Variants in ORAI3 observed in about 807,000 individuals in gnomAD.
ORAI3 encodes the protein ORAI calcium release-activated calcium modulator 3.
A neutral mutation model predicts 17.2 loss-of-function variants in ORAI3; 15 were observed. The observed-to-expected ratio is 0.87, with a 90% CI of 0.58 to 1.34. ORAI3 has a LOEUF of 1.34. ORAI3 is among the 40% of genes most tolerant of loss of function. The pLI is 0.00. For synonymous variants in ORAI3, 178 were observed against 172.4 expected, an observed-to-expected ratio of 1.03 and a Z score of -0.25; for missense variants, 405 against 396.7, an observed-to-expected ratio of 1.02 and a Z score of -0.18.
At position 30,954,701 on chromosome 16, in the gene ORAI3, T is replaced by TG. The variant is rs1206648049; in HGVS notation, c.*859dup. The TG allele has an allele frequency of 1.9e-5, 3 of 155,108 alleles. No homozygotes were observed. The highest frequency in any genetic ancestry group is 4.3e-5 in the Non-Finnish European group (3 of 70,124). The allele number at this position is 155,108 out of a possible 1,614,324, so 9.6% of individuals were successfully genotyped here. The stretch of plus-strand genomic sequence containing the variant: ...GACCTGTGGCCACTTGCAGAAGGGA[T>TG]GGTGCCTGACCCACTGCCCTAGCCC... On this transcript the variant is annotated 3_prime_UTR_variant, in exon 2 of 2. Coordinates refer to ENST00000318663, the MANE Select transcript of ORAI3 (RefSeq NM_152288.3).
At position 30,953,674 on chromosome 16, in the gene ORAI3, C is replaced by A. The variant is rs370567019; in HGVS notation, c.718C>A (p.Pro240Thr). 6.2e-7 allele frequency: 1 copy of A among 1,613,944 alleles called. No individual in the cohort carries two copies. The highest frequency in any genetic ancestry group is 1.3e-5 in the African/African-American group (1 of 74,942). Reference protein sequence around the residue: ...QACGGGGAHGPGWQAAMASTA... With the variant: ...QACGGGGAHGTGWQAAMASTA... ...CTGTGGTGGTGGTGGGGCCCATGGG[C>A]CAGGCTGGCAAGCAGCCATGGCCTC... is the stretch of plus-strand genomic sequence containing the variant. The change falls in exon 2 of 2, where the codon CCA becomes ACA. Residue 240 changes from proline (P) to threonine (T), a missense_variant. By Grantham distance (38) the Pro-to-Thr change is conservative. Transcript: ENST00000318663.
Position 30,953,339 on chromosome 16 carries a change from A to T in ORAI3, c.383A>T (p.Asn128Ile), listed in dbSNP as rs1215922047. The change falls in exon 2 of 2, where the codon AAC (asparagine) becomes ATC (isoleucine). Residue 128 changes from asparagine (N) to isoleucine (I), a missense_variant. Asn to Ile is a moderately radical substitution (Grantham distance 149). Coordinates refer to ENST00000318663, the MANE Select transcript of ORAI3 (RefSeq NM_152288.3). ...CLLPHIEAVSNIHNLNSVHQS... is the reference protein window; with the variant it reads ...CLLPHIEAVSIIHNLNSVHQS... ...CTGCCCCACATTGAAGCTGTGAGCAACATCCACAACCTCAACTCTGTCCAC... is the reference window on the plus strand; with the variant it reads ...CTGCCCCACATTGAAGCTGTGAGCATCATCCACAACCTCAACTCTGTCCAC... 1.9e-6 allele frequency: 3 copies of T among 1,614,060 alleles called. No individual in the cohort carries two copies. Among genetic ancestry groups the T allele is most frequent in the Non-Finnish European group, 2.5e-6 (3 of 1,180,020 alleles).
Position 30,953,313 on chromosome 16 carries a change from G to C in ORAI3, c.357G>C (p.Leu119=), listed in dbSNP as rs1450754112. 6.2e-7 allele frequency: 1 copy of C among 1,614,054 alleles called. No homozygotes were observed. The highest frequency in any genetic ancestry group is 1.3e-5 in the African/African-American group (1 of 74,934). Reference sequence around the variant, plus strand: ...TTGCACTCATGGTCTCCACGTGTCTGCTGCCCCACATTGAAGCTGTGAGCA... The same window carrying C: ...TTGCACTCATGGTCTCCACGTGTCTCCTGCCCCACATTGAAGCTGTGAGCA... ...HLFALMVSTC[L]LPHIEAVSNI... Residue 119 remains leucine (L), a synonymous_variant, in exon 2 of 2, where the codon CTG becomes CTC. Coordinates refer to ENST00000318663, the MANE Select transcript of ORAI3 (RefSeq NM_152288.3).
In ORAI3 at chr16:30,949,223, G is replaced by C; in HGVS notation, c.-67G>C. 2.6e-6 allele frequency: 3 copies of C among 1,162,208 alleles called. No homozygotes were observed. Among genetic ancestry groups the C allele is most frequent in the Non-Finnish European group, 3.4e-6 (3 of 885,990 alleles). The allele number at this position is 1,162,208 out of a possible 1,614,324, so 72.0% of individuals were successfully genotyped here. A position where few individuals can be genotyped will look rare whatever the true frequency, so the allele number is the denominator to read the frequency against. On this transcript the variant is annotated 5_prime_UTR_variant, in exon 1 of 2. Transcript: ENST00000318663. Reference sequence around the variant, plus strand: ...ATGGGGCCGCCCCCGGGCTTGGGCCGGCCCGGCTGGGGCCCCCGAGGCGCT... The same window carrying C: ...ATGGGGCCGCCCCCGGGCTTGGGCCCGCCCGGCTGGGGCCCCCGAGGCGCT...
intron 1 of ORAI3, 45 bp downstream of exon 1, chr16:30,949,562 G>C (rs761730423): frequency 2.3e-6 from 2 of 863,634 alleles, no homozygotes; most frequent in South Asian, 3.2e-5. Context: ...AGAGCAAGTG[G>C]GGGGCACAGG....
Position 30,952,807 on chromosome 16 carries a change from A to G in ORAI3, c.229-378A>G, listed in dbSNP as rs552285609. Among the ~76,000 whole-genome samples, 9 of 152,278 alleles carry G rather than the reference A, an allele frequency of 5.9e-5. 1 individual carries two copies. The South Asian group carries it at 1.9e-3, about 32-fold the overall frequency. ...CAGCCTCTCAAGTAGCAGGGATTAC[A>G]GGCATGTGCCACGATGCCCGGCTAA... On this transcript the variant is annotated intron_variant, in intron 1 of 1. Transcript: ENST00000318663.
chr16:30,953,846 A>G lies in ORAI3; in HGVS notation c.*2A>G, dbSNP rs2143421816. 1 of 1,603,706 alleles carries G rather than the reference A, an allele frequency of 6.2e-7. No homozygotes were observed. The highest frequency in any genetic ancestry group is 8.5e-7 in the Non-Finnish European group (1 of 1,175,424). On this transcript the variant is annotated 3_prime_UTR_variant, in exon 2 of 2. Coordinates refer to ENST00000318663, the MANE Select transcript of ORAI3 (RefSeq NM_152288.3). ...CAGGGGGAGCTGCAGGCTGTGTGAG[A>G]CTGGTGTTAGCCACCGCTCACTGCA...
At chr16:30,951,297 C>A (rs191558886) in intron 1 of ORAI3, among the ~76,000 whole-genome samples, 1 of 152,194 alleles carries the variant, frequency 6.6e-6, no homozygotes, top group East Asian at 1.9e-4. Flanking sequence ...CAGGCACTGC[C>A]CTCAGTGCCT....
rs1451427934 is a variant in ORAI3, at chr16:30,949,317, G to GAGCAGGCC, written c.29_36dup (p.Pro13SerfsTer5). On this transcript the variant is annotated frameshift_variant, in exon 1 of 2. Coordinates refer to ENST00000318663, the MANE Select transcript of ORAI3 (RefSeq NM_152288.3). LOFTEE classifies it high-confidence loss of function. ...GAAGGGCGGCGAGGGGGACGCGGGC[G>GAGCAGGCC]AGCAGGCCCCGCTGAACCCTGAGGG... The GAGCAGGCC allele has an allele frequency of 1.4e-6, 2 of 1,438,894 alleles. No individual in the cohort carries two copies. Among genetic ancestry groups the GAGCAGGCC allele is most frequent in the African/African-American group, 3.0e-5 (2 of 66,572 alleles). The allele number at this position is 1,438,894 out of a possible 1,614,324, so 89.1% of individuals were successfully genotyped here.
At chr16:30,951,228 C>T (rs1178583480) in intron 1 of ORAI3, among the ~76,000 whole-genome samples, 3 of 152,206 alleles carry the variant, frequency 2.0e-5, no homozygotes, top group Non-Finnish European at 4.4e-5. Context: ...GCTTCTGAAA[C>T]TCAGGTGGCC....
At position 30,949,527 on chromosome 16, in the gene ORAI3, CG is replaced by C. The variant is rs2055911629; in HGVS notation, c.228+13del. On this transcript the variant is annotated intron_variant, in intron 1 of 1. Transcript: ENST00000318663. ...CTCGGGCTTCGCCATGGTGAGGGGC[CG>C]GGAGGGGTCACACCCGGTGGGGCAG... 2 of 1,282,472 alleles carry C rather than the reference CG, an allele frequency of 1.6e-6. No homozygotes were observed. The highest frequency in any genetic ancestry group is 4.3e-5 in the African/African-American group (2 of 46,964). 79.4% of individuals were successfully genotyped at this position (1,282,472 alleles called of 1,614,324 possible). A position where few individuals can be genotyped will look rare whatever the true frequency, so the allele number is the denominator to read the frequency against.
chr16:30,954,327 C>T lies in ORAI3; in HGVS notation c.*483C>T. 1.8e-6 allele frequency: 1 copy of T among 566,712 alleles called. No individual in the cohort carries two copies. The highest frequency in any genetic ancestry group is 3.1e-6 in the Non-Finnish European group (1 of 317,590). 35.1% of individuals were successfully genotyped at this position (566,712 alleles called of 1,614,324 possible). On this transcript the variant is annotated 3_prime_UTR_variant, in exon 2 of 2. Coordinates refer to ENST00000318663, the MANE Select transcript of ORAI3 (RefSeq NM_152288.3). ...CGACCTTCCAGGCTCAAAAGATGCT[C>T]CCACCACAGCCTCCCAGGTAGTGAG...
Position 30,953,422 on chromosome 16 carries a change from G to T in ORAI3, c.466G>T (p.Ala156Ser), listed in dbSNP as rs778742616. Residue 156 changes from alanine to serine, a missense_variant, in exon 2 of 2, where the codon GCC becomes TCC. Transcript: ENST00000318663. Reference protein sequence around the residue: ...YVELAWGFSTALGTFLFLAEV... With the variant: ...YVELAWGFSTSLGTFLFLAEV... ...GGAGCTGGCCTGGGGCTTCTCCACTGCCCTGGGCACCTTTCTCTTCCTTGC... is the reference window on the plus strand; with the variant it reads ...GGAGCTGGCCTGGGGCTTCTCCACTTCCCTGGGCACCTTTCTCTTCCTTGC... 8 of 1,614,138 alleles carry T rather than the reference G, an allele frequency of 5.0e-6. No homozygotes were observed. The East Asian group carries it at 1.8e-4, about 36-fold the overall frequency.
chr16:30,951,319 A>G (rs2055924044), intron 1 of ORAI3, among the ~76,000 whole-genome samples: 1 of 152,138 alleles, frequency 6.6e-6, no homozygotes, highest in African/African-American at 2.4e-5. Flanking sequence ...TATATACATC[A>G]TCTGTTAGCC....
At chr16:30,952,268 G>A (rs985404542) in intron 1 of ORAI3, among the ~76,000 whole-genome samples, 6 of 151,436 alleles carry the variant, frequency 4.0e-5, no homozygotes, top group African/African-American at 1.2e-4. Flanking sequence ...CTGAGTAGCC[G>A]GGATTACAGG....
chr16:30,949,751 G>A (rs1350837820), intron 1 of ORAI3: 3 of 520,858 alleles, frequency 5.8e-6, no homozygotes, highest in Non-Finnish European at 3.4e-6. Context: ...AGGTGTCGTA[G>A]TGGGAGTGGG....
Position 30,949,214 on chromosome 16 carries a change from G to C in ORAI3, c.-76G>C, listed in dbSNP as rs1417857479. 9 of 1,068,104 alleles carry C rather than the reference G, an allele frequency of 8.4e-6. No homozygotes were observed. The highest frequency in any genetic ancestry group is 3.2e-5 in the East Asian group (1 of 30,938). 66.2% of individuals were successfully genotyped at this position (1,068,104 alleles called of 1,614,324 possible). A position where few individuals can be genotyped will look rare whatever the true frequency, so the allele number is the denominator to read the frequency against. On this transcript the variant is annotated 5_prime_UTR_variant, in exon 1 of 2. Transcript: ENST00000318663. ...TGTCTGGGAATGGGGCCGCCCCCGGGCTTGGGCCGGCCCGGCTGGGGCCCC... is the reference window on the plus strand; with the variant it reads ...TGTCTGGGAATGGGGCCGCCCCCGGCCTTGGGCCGGCCCGGCTGGGGCCCC...
At position 30,949,234 on chromosome 16, in the gene ORAI3, G is replaced by T; in HGVS notation, c.-56G>T. The stretch of plus-strand genomic sequence containing the variant: ...CCCGGGCTTGGGCCGGCCCGGCTGG[G>T]GCCCCCGAGGCGCTTCCGCCCCGTA... On this transcript the variant is annotated 5_prime_UTR_variant, in exon 1 of 2. Coordinates refer to ENST00000318663, the MANE Select transcript of ORAI3 (RefSeq NM_152288.3). 1 of 1,267,660 alleles carries T rather than the reference G, an allele frequency of 7.9e-7. No individual in the cohort carries two copies. Among genetic ancestry groups the T allele is most frequent in the South Asian group, 1.8e-5 (1 of 55,002 alleles). The allele number at this position is 1,267,660 out of a possible 1,614,324, so 78.5% of individuals were successfully genotyped here. A position where few individuals can be genotyped will look rare whatever the true frequency, so the allele number is the denominator to read the frequency against.
intron 1 of ORAI3, chr16:30,949,746 T>A: frequency 1.9e-6 from 1 of 525,790 alleles, no homozygotes; most frequent in East Asian, 3.6e-5. Context: ...CCTAAAGGTG[T>A]CGTAGTGGGA....
Sources: allele counts gnomAD v4.1 joint callset (sites outside exome capture counted in the v4.1 genomes callset), GRCh38; gene constraint gnomAD v4.1.1; transcripts MANE v1.5; gene names NCBI Gene and HGNC (gene_info 2026-07-23, HGNC 2026-07-21).